CTNNA2: variants seen among roughly 807,000 people sequenced by gnomAD.
CTNNA2 encodes catenin alpha-2.
In CTNNA2, 42 loss-of-function variants were observed where a neutral mutation model predicts 101.0. The ratio of observed to expected loss-of-function variants is 0.42; its 90% CI spans 0.32 to 0.54. The LOEUF (loss-of-function observed/expected upper bound fraction) is 0.54, where lower values mean the gene tolerates loss of function less well. Among genes scored for constraint, CTNNA2 ranks in the 20% least tolerant of loss-of-function variants. The pLI is 0.14. For synonymous variants in CTNNA2, 450 were observed against 456.4 expected (o/e 0.99, Z 0.18); for missense variants, 871 against 1,223.1 (o/e 0.71, Z 4.29).
At chr2:80,476,226 G>A (rs1363782277) in intron 9 of CTNNA2, among the ~76,000 whole-genome samples, 1 of 152,054 alleles carries the variant, frequency 6.6e-6, no homozygotes, top group Non-Finnish European at 1.5e-5. Context: ...CTGAGAAGTC[G>A]GGCTGGAGCT....
intron 7 of CTNNA2, among the ~76,000 whole-genome samples, chr2:80,187,966 A>T (rs1706241437): frequency 6.6e-6 from 1 of 152,178 alleles, no homozygotes; most frequent in African/African-American, 2.4e-5. Flanking sequence ...CCAAGACATC[A>T]GAACAAAGTT....
chr2:80,163,904 T>C (rs995698384), intron 7 of CTNNA2, among the ~76,000 whole-genome samples: 2 of 151,950 alleles, frequency 1.3e-5, no homozygotes, highest in African/African-American at 2.4e-5. Context: ...TTCTACTTAA[T>C]CTGATATTAA....
chr2:80,572,130 G>A (rs1694653667), intron 12 of CTNNA2, among the ~76,000 whole-genome samples: 1 of 152,112 alleles, frequency 6.6e-6, no homozygotes, highest in African/African-American at 2.4e-5. Flanking sequence ...ATCTGTAGTA[G>A]AAGGGTACCA....
intron 1 of CTNNA2, among the ~76,000 whole-genome samples, chr2:79,537,490 G>A (rs915785348): frequency 6.6e-6 from 1 of 152,044 alleles, no homozygotes; most frequent in African/African-American, 2.4e-5. Flanking sequence ...TCCAGTTATG[G>A]TGAGAGGTGT....
At chr2:79,681,764 T>C (rs1683577741) in intron 2 of CTNNA2, among the ~76,000 whole-genome samples, 1 of 152,212 alleles carries the variant, frequency 6.6e-6, no homozygotes, top group Non-Finnish European at 1.5e-5. Context: ...ATGAGCAGAC[T>C]TATTATGTAC....
At chr2:79,972,041 A>G (rs1423649838) in intron 7 of CTNNA2, among the ~76,000 whole-genome samples, 1 of 152,214 alleles carries the variant, frequency 6.6e-6, no homozygotes, top group African/African-American at 2.4e-5. Flanking sequence ...AAAGTGGCAC[A>G]GCATCACTTC....
chr2:79,808,517 C>T (rs143960804), intron 3 of CTNNA2, among the ~76,000 whole-genome samples: 20 of 152,224 alleles, frequency 1.3e-4, no homozygotes, highest in African/African-American at 4.8e-4. Context: ...TCTTGCTTAT[C>T]TTTTTTATTT....
At chr2:80,537,640 C>A (rs1388789618) in intron 9 of CTNNA2, among the ~76,000 whole-genome samples, 2 of 151,212 alleles carry the variant, frequency 1.3e-5, no homozygotes, top group Non-Finnish European at 2.9e-5. Flanking sequence ...GTTGCCCAGG[C>A]TGGAGTGCAA....
chr2:80,092,964 G>A (rs996419919), intron 7 of CTNNA2, among the ~76,000 whole-genome samples: 44 of 151,694 alleles, frequency 2.9e-4, no homozygotes, highest in African/African-American at 9.9e-4. Flanking sequence ...AGAGGCATTT[G>A]TTTTAAGTTA....
At position 80,196,789 on chromosome 2, in the gene CTNNA2, C is replaced by T. The variant is rs149198213; in HGVS notation, c.1057-196422C>T. Among the ~76,000 whole-genome samples the T allele has an allele frequency of 3.9e-5, 6 of 152,114 alleles. No homozygotes were observed. The East Asian group carries it at 5.8e-4, about 15-fold the overall frequency. ...CTCTCGTTTGCCAGCCACCCCAATA[C>T]GAAAGATCACTTTAAAAAGTAAATT... On this transcript the variant is annotated intron_variant, in intron 7 of 18. Coordinates refer to ENST00000402739, the MANE Select transcript of CTNNA2 (RefSeq NM_001282597.3).
chr2:80,425,084 G>A (rs879713080), intron 9 of CTNNA2, among the ~76,000 whole-genome samples: 5 of 152,174 alleles, frequency 3.3e-5, no homozygotes, highest in African/African-American at 7.2e-5. Context: ...AAATCCCGGC[G>A]AGGGTGACTG....
At chr2:79,497,762 G>A (rs1011453186) in intron 4 of CTNNA2, among the ~76,000 whole-genome samples, 5 of 152,130 alleles carry the variant, frequency 3.3e-5, no homozygotes, top group Non-Finnish European at 4.4e-5. Context: ...CTTTTGTTTC[G>A]TCTAAGCAAT....
chr2:79,366,341 C>T (rs1199106483), intron 3 of CTNNA2, among the ~76,000 whole-genome samples: 1 of 152,162 alleles, frequency 6.6e-6, no homozygotes, highest in Non-Finnish European at 1.5e-5. Context: ...GGAACACAGG[C>T]CGGCTAGGAA....
At chr2:79,295,580 G>A (rs1675959278) in intron 2 of CTNNA2, among the ~76,000 whole-genome samples, 1 of 144,562 alleles carries the variant, frequency 6.9e-6, no homozygotes, top group Non-Finnish European at 1.5e-5. Flanking sequence ...TGTCCTAACT[G>A]TGCCTATTTT....
chr2:79,736,116 A>G (rs568600294), intron 2 of CTNNA2, among the ~76,000 whole-genome samples: 2 of 152,282 alleles, frequency 1.3e-5, no homozygotes, highest in Admixed American at 1.3e-4. Flanking sequence ...ATGAAGCTGA[A>G]ATAAGTCTGT....
In CTNNA2 at chr2:79,434,392, G is replaced by A. The variant is rs960233168; in HGVS notation, c.-135+60379G>A. ...AAGAGAACATTCTAGACAGAAAATT[G>A]GAATTTGGAACTTGTAAATGTTCGG... On this transcript the variant is annotated intron_variant, in intron 4 of 21. Coordinates refer to the CTNNA2 transcript ENST00000466387. Among the ~76,000 whole-genome samples, 6 of 152,018 alleles carry A rather than the reference G, an allele frequency of 3.9e-5. No homozygotes were observed. The South Asian group carries it at 1.0e-3, about 26-fold the overall frequency.
At chr2:79,459,134 T>C (rs1670852913) in intron 4 of CTNNA2, among the ~76,000 whole-genome samples, 1 of 152,104 alleles carries the variant, frequency 6.6e-6, no homozygotes, top group African/African-American at 2.4e-5. Flanking sequence ...CTAAGCAACA[T>C]AGAGAAGCAA....
chr2:79,804,782 A>T (rs1238980590), intron 3 of CTNNA2, among the ~76,000 whole-genome samples: 3 of 152,208 alleles, frequency 2.0e-5, no homozygotes, highest in South Asian at 2.1e-4. Flanking sequence ...TAATGCCAAA[A>T]ATTAAAATGC....
At chr2:79,929,430 G>T (rs996721057) in intron 7 of CTNNA2, among the ~76,000 whole-genome samples, 1 of 152,158 alleles carries the variant, frequency 6.6e-6, no homozygotes, top group Non-Finnish European at 1.5e-5. Flanking sequence ...AGGCTCAATA[G>T]AAAGCAAAAA....
Sources: allele counts gnomAD v4.1 joint callset (sites outside exome capture counted in the v4.1 genomes callset), GRCh38; gene constraint gnomAD v4.1.1; transcripts MANE v1.5; gene names NCBI Gene and HGNC (gene_info 2026-07-23, HGNC 2026-07-21).